The following PLCL1 variants were observed in gnomAD, a reference collection of about 807,000 sequenced individuals.
PLCL1 encodes inactive phospholipase C-like protein 1.
In PLCL1, 41 loss-of-function variants were observed where a neutral mutation model predicts 84.4. That is an observed-to-expected ratio of 0.49 (90% CI 0.38 to 0.63). PLCL1 has a LOEUF of 0.63. Ranked by LOEUF, PLCL1 falls within the 30% of genes least tolerant of loss-of-function variation. The pLI is 0.00. For missense variants in PLCL1, 1,206 were observed against 1,367.8 expected, an observed-to-expected ratio of 0.88 and a Z score of 1.87; for synonymous variants, 490 against 488.3, an observed-to-expected ratio of 1.00 and a Z score of -0.05.
At chr2:198,032,955 G>A (rs927702881) in intron 1 of PLCL1, among the ~76,000 whole-genome samples, 4 of 152,116 alleles carry the variant, frequency 2.6e-5, no homozygotes, top group African/African-American at 7.2e-5. Context: ...TGGATTTGCT[G>A]CTCAAGAATC....
chr2:198,103,159 AT>A (rs1693385156), intron 4 of PLCL1, among the ~76,000 whole-genome samples: 1 of 152,088 alleles, frequency 6.6e-6, no homozygotes, highest in African/African-American at 2.4e-5. Flanking sequence ...AGACATATGC[AT>A]TCCTCACATA....
chr2:197,978,312 T>C (rs1460863218), intron 1 of PLCL1, among the ~76,000 whole-genome samples: 1 of 152,024 alleles, frequency 6.6e-6, no homozygotes, highest in East Asian at 1.9e-4. Flanking sequence ...CCGTCTCTAC[T>C]AAAAATACAA....
intron 1 of PLCL1, among the ~76,000 whole-genome samples, chr2:197,931,041 G>C (rs1307017690): frequency 6.6e-6 from 1 of 152,110 alleles, no homozygotes; most frequent in African/African-American, 2.4e-5. Context: ...TGGCAGGGCA[G>C]GTAAGTGAAG....
intron 1 of PLCL1, among the ~76,000 whole-genome samples, chr2:197,897,157 TTC>T (rs1441242145): frequency 3.7e-4 from 12 of 32,322 alleles, no homozygotes; most frequent in African/African-American, 1.9e-3. Context: ...CTTCTTCTTC[TTC>T]TTCTTCTTCT....
At chr2:197,866,358 A>G (rs1687544866) in intron 1 of PLCL1, among the ~76,000 whole-genome samples, 3 of 151,742 alleles carry the variant, frequency 2.0e-5, no homozygotes, top group Admixed American at 1.3e-4. Context: ...TTTATTTTAA[A>G]AAAGAATTAG....
chr2:198,034,817 C>T (rs577121822), intron 1 of PLCL1, among the ~76,000 whole-genome samples: 90 of 152,244 alleles, frequency 5.9e-4, no homozygotes, highest in African/African-American at 2.1e-3. Flanking sequence ...TTTTTAAAGT[C>T]TCTTTTAACT....
At chr2:197,957,632 T>C (rs1689519446) in intron 1 of PLCL1, among the ~76,000 whole-genome samples, 3 of 152,014 alleles carry the variant, frequency 2.0e-5, no homozygotes, top group Non-Finnish European at 4.4e-5. Context: ...GACCATCTCA[T>C]CTACAGGGAA....
At chr2:197,936,445 C>G (rs1425421870) in intron 1 of PLCL1, among the ~76,000 whole-genome samples, 1 of 152,022 alleles carries the variant, frequency 6.6e-6, no homozygotes, top group African/African-American at 2.4e-5. Flanking sequence ...AATAACTATT[C>G]TAATGGGCAT....
In PLCL1 at chr2:198,075,128, A is replaced by T. The variant is rs149322136; in HGVS notation, c.241-8630A>T. 1.8e-4 allele frequency among the ~76,000 whole-genome samples: 28 copies of T among 152,320 alleles called. 1 individual carries two copies. In the East Asian group the frequency reaches 5.4e-3, roughly 29 times the overall value. ...TCGAATTAATCCTCACACCAGAAAC[A>T]ACAGTCAGTGCTGGCATAAGCTCCG... On this transcript the variant is annotated intron_variant, in intron 1 of 5. Coordinates refer to ENST00000428675, the MANE Select transcript of PLCL1 (RefSeq NM_006226.4).
chr2:197,855,416 C>T (rs1388573292), intron 1 of PLCL1, among the ~76,000 whole-genome samples: 3 of 152,148 alleles, frequency 2.0e-5, no homozygotes, highest in African/African-American at 7.2e-5. Context: ...CACAACAAAT[C>T]AATCTTTGGT....
At chr2:197,919,287 G>A (rs1688661629) in intron 1 of PLCL1, among the ~76,000 whole-genome samples, 2 of 152,174 alleles carry the variant, frequency 1.3e-5, no homozygotes, top group Non-Finnish European at 2.9e-5. Context: ...AATTTATAGA[G>A]TTGTAAGACA....
intron 1 of PLCL1, among the ~76,000 whole-genome samples, chr2:198,055,797 T>G (rs1255484920): frequency 6.6e-6 from 1 of 152,212 alleles, no homozygotes; most frequent in Non-Finnish European, 1.5e-5. Flanking sequence ...GCTCCAGTGC[T>G]GTCATAAAAT....
chr2:197,879,977 A>G (rs1687801557), intron 1 of PLCL1, among the ~76,000 whole-genome samples: 1 of 152,206 alleles, frequency 6.6e-6, no homozygotes, highest in Non-Finnish European at 1.5e-5. Context: ...TGGAACGATT[A>G]TATTTCTTTC....
intron 1 of PLCL1, among the ~76,000 whole-genome samples, chr2:198,049,827 A>G (rs1691885165): frequency 6.6e-6 from 1 of 152,238 alleles, no homozygotes. Flanking sequence ...TGGGTGAGCC[A>G]GTGCCAGTAA....
Position 197,897,097 on chromosome 2 carries a change from T to C in PLCL1, c.240+91758T>C, listed in dbSNP as rs528481565. Among the ~76,000 whole-genome samples the C allele has an allele frequency of 3.3e-5, 5 of 149,978 alleles. No individual in the cohort carries two copies. In the South Asian group the frequency reaches 1.1e-3, roughly 32 times the overall value. ...ATACCTTTGGGGATAGAAGTATGAC[T>C]CCTTCTTCTTCTTCTTCTTCTTCTT... is the stretch of plus-strand genomic sequence containing the variant. On this transcript the variant is annotated intron_variant, in intron 1 of 5. Transcript: ENST00000428675.
chr2:197,805,433 C>T lies in PLCL1; in HGVS notation c.240+94C>T, dbSNP rs952065998. On this transcript the variant is annotated intron_variant, in intron 1 of 5. Transcript: ENST00000428675. The surrounding 1 kb of genome is among the most constrained non-coding windows in gnomAD (Gnocchi z 4.0). ...TGTGCGGTGTCCGGAGGCATCCGGG[C>T]TCAGCATTGTTTTCTCCCACCTCCT... The T allele has an allele frequency of 8.6e-7, 1 of 1,160,240 alleles. No homozygotes were observed. The highest frequency in any genetic ancestry group is 1.1e-6 in the Non-Finnish European group (1 of 913,694). The allele number at this position is 1,160,240 out of a possible 1,614,324, so 71.9% of individuals were successfully genotyped here.
chr2:197,806,045 C>G (rs1266945181), intron 1 of PLCL1, among the ~76,000 whole-genome samples: 1 of 152,202 alleles, frequency 6.6e-6, no homozygotes, highest in Non-Finnish European at 1.5e-5. Context: ...CTCTTTCCTC[C>G]CCTTTCTCTT....
intron 1 of PLCL1, among the ~76,000 whole-genome samples, chr2:197,915,415 T>C (rs1390306573): frequency 1.3e-5 from 2 of 151,830 alleles, no homozygotes; most frequent in African/African-American, 4.8e-5. Context: ...ACTTGTCAAG[T>C]GTGAAAGAGA....
At chr2:197,979,714 CCAGCCA>C (rs1462230219) in intron 1 of PLCL1, among the ~76,000 whole-genome samples, 1 of 152,168 alleles carries the variant, frequency 6.6e-6, no homozygotes, top group Non-Finnish European at 1.5e-5. Flanking sequence ...TCTCCTGTCC[CCAGCCA>C]CATTGAGATT....
Sources: allele counts gnomAD v4.1 joint callset (sites outside exome capture counted in the v4.1 genomes callset), GRCh38; gene constraint gnomAD v4.1.1; non-coding constraint Gnocchi (gnomAD v3.1); transcripts MANE v1.5; gene names NCBI Gene and HGNC (gene_info 2026-07-23, HGNC 2026-07-21).